Variants in ERC2 observed in about 807,000 individuals in gnomAD.
ERC2 encodes ERC protein 2.
Under a neutral mutation model 114.8 loss-of-function variants are expected in ERC2, and 42 were observed. The observed-to-expected ratio is 0.37, with a 90% CI of 0.29 to 0.47. The LOEUF (loss-of-function observed/expected upper bound fraction) is 0.47. Ranked by LOEUF, ERC2 falls within the 20% of genes least tolerant of loss-of-function variation. The pLI is 0.99. For missense variants in ERC2, 939 were observed against 1,150.7 expected (o/e 0.82, Z 2.66); for synonymous variants, 454 against 425.5 (o/e 1.07, Z -0.82).
chr3:55,868,461 A>C (rs1324469518), intron 14 of ERC2, among the ~76,000 whole-genome samples: 1 of 152,208 alleles, frequency 6.6e-6, no homozygotes. Flanking sequence ...TTCAGGAGAC[A>C]AGGGCATAAT....
chr3:55,711,329 A>C (rs1244383423), intron 15 of ERC2, among the ~76,000 whole-genome samples: 1 of 152,236 alleles, frequency 6.6e-6, no homozygotes, highest in African/African-American at 2.4e-5. Context: ...GAGTTTATAA[A>C]AAGAAAAGTA....
chr3:55,588,331 G>A (rs920043113), intron 17 of ERC2, among the ~76,000 whole-genome samples: 31 of 152,186 alleles, frequency 2.0e-4, no homozygotes, highest in Admixed American at 5.2e-4. Context: ...GGGTGATGTG[G>A]AGTGCATCAG....
intron 17 of ERC2, among the ~76,000 whole-genome samples, chr3:55,642,340 T>C (rs2148657951): frequency 4.1e-5 from 2 of 48,220 alleles, no homozygotes; most frequent in South Asian, 1.4e-3. Context: ...TCTTTTCTTT[T>C]TTTTTTTCTT....
intron 3 of ERC2, among the ~76,000 whole-genome samples, chr3:56,269,536 T>C (rs1035790096): frequency 2.0e-4 from 31 of 151,968 alleles, no homozygotes; most frequent in African/African-American, 4.4e-4. Flanking sequence ...GACACAAATA[T>C]TGTCAAAAGT....
intron 17 of ERC2, among the ~76,000 whole-genome samples, chr3:55,567,282 C>A (rs778203305): frequency 2.0e-5 from 3 of 152,124 alleles, no homozygotes; most frequent in Non-Finnish European, 4.4e-5. Flanking sequence ...TGGAGGTAAG[C>A]ACTCCAGGCA....
In ERC2 at chr3:55,766,318, G is replaced by A. The variant is rs148344553; in HGVS notation, c.2565-31400C>T. Among the ~76,000 whole-genome samples, 720 of 151,524 alleles carry A rather than the reference G, an allele frequency of 4.8e-3. 7 individuals are homozygous for A. Among genetic ancestry groups the A allele is most frequent in the Middle Eastern group, 0.021 (6 of 288 alleles). On this transcript the variant is annotated intron_variant, in intron 14 of 17. Transcript: ENST00000288221. ...ATCAAGGACCCAAACAAAATAATAG[G>A]GGAATAGACGTATCAGTTTGTAGGT...
At chr3:56,277,928 T>C (rs1308752291) in intron 3 of ERC2, among the ~76,000 whole-genome samples, 1 of 152,114 alleles carries the variant, frequency 6.6e-6, no homozygotes, top group Non-Finnish European at 1.5e-5. Context: ...AGCCCGAGGA[T>C]TGGGAGCACA....
chr3:55,995,850 G>C lies in ERC2; in HGVS notation c.2062-3600C>G, dbSNP rs551660499. The stretch of plus-strand genomic sequence containing the variant: ...ACTAAATAAAATAGTGGAGGAAATT[G>C]AGCTTATTAAAGCCAATGCTTCCTT... On this transcript the variant is annotated intron_variant, in intron 10 of 17. Coordinates refer to ENST00000288221, the MANE Select transcript of ERC2 (RefSeq NM_015576.3). 3.5e-4 allele frequency among the ~76,000 whole-genome samples: 53 copies of C among 152,278 alleles called. 1 individual carries two copies. Among genetic ancestry groups the C allele is most frequent in the Middle Eastern group, 3.4e-3 (1 of 294 alleles).
At chr3:55,903,657 A>T (rs2149349456) in intron 13 of ERC2, among the ~76,000 whole-genome samples, 1 of 152,352 alleles carries the variant, frequency 6.6e-6, no homozygotes, top group East Asian at 1.9e-4. Context: ...GATGGGTCAC[A>T]TTCAGAAACC....
At chr3:55,812,681 G>C (rs1244545076) in intron 14 of ERC2, among the ~76,000 whole-genome samples, 1 of 152,210 alleles carries the variant, frequency 6.6e-6, no homozygotes, top group Non-Finnish European at 1.5e-5. Context: ...CAGAGAGTTT[G>C]ACTATTTTAT....
chr3:55,517,169 A>G (rs2052571972), intron 17 of ERC2, among the ~76,000 whole-genome samples: 1 of 152,184 alleles, frequency 6.6e-6, no homozygotes, highest in African/African-American at 2.4e-5. Flanking sequence ...GGCCGGGTGC[A>G]ATGGCTCACG....
intron 13 of ERC2, among the ~76,000 whole-genome samples, chr3:55,932,817 T>C (rs993090504): frequency 6.6e-6 from 1 of 151,954 alleles, no homozygotes; most frequent in Non-Finnish European, 1.5e-5. Flanking sequence ...AGGCAAACTA[T>C]CTTGAGATAC....
At chr3:56,179,348 C>T (rs989288456) in intron 3 of ERC2, among the ~76,000 whole-genome samples, 5 of 152,090 alleles carry the variant, frequency 3.3e-5, no homozygotes, top group Admixed American at 6.5e-5. Context: ...TGGAGTTTGT[C>T]GTGAGGACAT....
intron 13 of ERC2, among the ~76,000 whole-genome samples, chr3:55,935,289 G>A (rs948517146): frequency 6.6e-6 from 1 of 152,196 alleles, no homozygotes; most frequent in African/African-American, 2.4e-5. Context: ...ATGCTGGGAA[G>A]TGAATACCAG....
intron 17 of ERC2, among the ~76,000 whole-genome samples, chr3:55,533,981 G>T (rs1487373882): frequency 6.6e-6 from 1 of 152,206 alleles, no homozygotes; most frequent in Non-Finnish European, 1.5e-5. Context: ...GACAGGTCAG[G>T]ATGGAATCCC....
intron 3 of ERC2, among the ~76,000 whole-genome samples, chr3:56,292,945 C>T (rs59923603): frequency 0.061 from 9,267 of 152,220 alleles, 677 homozygotes; most frequent in African/African-American, 0.17. Context: ...CTTCATGACA[C>T]GCCTCTATTT....
chr3:55,833,548 C>G (rs1361918522), intron 14 of ERC2, among the ~76,000 whole-genome samples: 3 of 152,138 alleles, frequency 2.0e-5, no homozygotes, highest in Admixed American at 6.5e-5. Context: ...CCTTTACAGA[C>G]AAGCAAATGC....
At chr3:56,113,665 A>G (rs1267072244) in intron 6 of ERC2, among the ~76,000 whole-genome samples, 1 of 152,190 alleles carries the variant, frequency 6.6e-6, no homozygotes, top group Non-Finnish European at 1.5e-5. Flanking sequence ...ATTAAACTCA[A>G]TTCCGACACT....
intron 15 of ERC2, among the ~76,000 whole-genome samples, chr3:55,716,733 C>T (rs2148872859): frequency 6.6e-6 from 1 of 152,336 alleles, no homozygotes; most frequent in East Asian, 1.9e-4. Flanking sequence ...AGCAAACAGG[C>T]TTATCTCCAC....
Sources: gnomAD v4.1 joint callset for allele counts (sites outside exome capture counted in the v4.1 genomes callset) on GRCh38, gnomAD v4.1.1 for gene constraint, MANE v1.5 for transcripts, NCBI Gene and HGNC (gene_info 2026-07-23, HGNC 2026-07-21) for gene names.